Variants in ABHD11 observed in about 807,000 individuals in gnomAD.
ABHD11 encodes abhydrolase domain containing 11, also known as sn-1-specific diacylglycerol lipase ABHD11.
In ABHD11, 26 loss-of-function variants were observed where a neutral mutation model predicts 29.0. The ratio of observed to expected loss-of-function variants is 0.90; its 90% CI spans 0.66 to 1.24. The LOEUF is 1.24. Ranked by LOEUF, ABHD11 falls within the 50% of genes most tolerant of loss-of-function variation. The probability of loss-of-function intolerance (pLI) is 0.00; values close to 1 mark genes in which losing one functional copy is unlikely to be tolerated. For missense variants in ABHD11, 381 were observed against 422.4 expected, an observed-to-expected ratio of 0.90 and a Z score of 0.86; for synonymous variants, 169 against 166.4, an observed-to-expected ratio of 1.02 and a Z score of -0.12.
chr7:73,738,176 G>A (rs1800127617), intron 2 of ABHD11, 152 bp downstream of exon 2: 2 of 1,242,062 alleles, frequency 1.6e-6, no homozygotes, highest in African/African-American at 1.5e-5. Flanking sequence ...GGCAACGTGA[G>A]GGAATAAATG....
chr7:73,738,651 C>A lies in ABHD11; in HGVS notation c.120G>T (p.Glu40Asp). 1 of 1,593,718 alleles carries A rather than the reference C, an allele frequency of 6.3e-7. No individual in the cohort carries two copies. Among genetic ancestry groups the A allele is most frequent in the South Asian group, 1.1e-5 (1 of 88,626 alleles). Residue 40 changes from glutamate (E) to aspartate (D), a missense_variant, in exon 1 of 6, where the codon GAG becomes GAT. Coordinates refer to ENST00000222800, the MANE Select transcript of ABHD11 (RefSeq NM_148912.4). ...GCCCGGTGCCCTTGACTGACCTCGG[C>A]TCGGCGCCCCCTCGGCCGCCGCTGC... ...SSSSGGRGGA[E>D]PRPLPLSYRL...
intron 2 of ABHD11, 39 bp from the exon 3 acceptor site, chr7:73,737,774 C>T: frequency 1.3e-6 from 2 of 1,582,040 alleles, no homozygotes; most frequent in Non-Finnish European, 1.7e-6. Flanking sequence ...TTGATATCCC[C>T]ATTCTGGGGG....
intron 2 of ABHD11, 122 bp from the exon 3 acceptor site, chr7:73,737,857 A>T: frequency 7.1e-7 from 1 of 1,412,392 alleles, no homozygotes. Context: ...TGTGGAGGGG[A>T]AGGGCCCAGT....
At position 73,738,391 on chromosome 7, in the gene ABHD11, G is replaced by A. The variant is rs1288891584; in HGVS notation, c.198C>T (p.Leu66=). 4.3e-6 allele frequency: 7 copies of A among 1,613,128 alleles called. No individual in the cohort carries two copies. The highest frequency in any genetic ancestry group is 5.9e-6 in the Non-Finnish European group (7 of 1,179,690). The change falls in exon 2 of 6, where the codon CTC becomes CTT. Residue 66 remains leucine (L), a synonymous_variant. Transcript: ENST00000222800. Reference sequence around the variant, plus strand: ...AGTTGAAGTTAGTTTTGCTGCCGAAGAGCCCGTGCAAAAAGACGACGGCCG... The same window carrying A: ...AGTTGAAGTTAGTTTTGCTGCCGAAAAGCCCGTGCAAAAAGACGACGGCCG... ...ALPAVVFLHG[L]FGSKTNFNSI... is the part of the protein sequence containing the mutation.
At chr7:73,738,289 G>T (rs782603225) in intron 2 of ABHD11, 39 bp downstream of exon 2, 12 of 747,214 alleles carry the variant, frequency 1.6e-5, no homozygotes, top group Non-Finnish European at 2.3e-5. Context: ...GCCCACTCCC[G>T]CCCAGCCCCA....
chr7:73,738,375 T>C lies in ABHD11; in HGVS notation c.214A>G (p.Asn72Asp), dbSNP rs536463443. ...FLHGLFGSKT[N>D]FNSIAKILAQ... ...AAGATCTTGGCGATGGAGTTGAAGT[T>C]AGTTTTGCTGCCGAAGAGCCCGTGC... The change falls in exon 2 of 6, where the codon AAC (asparagine) becomes GAC (aspartate). Residue 72 changes from asparagine to aspartate, a missense_variant. Coordinates refer to ENST00000222800, the MANE Select transcript of ABHD11 (RefSeq NM_148912.4). 1.2e-4 allele frequency: 193 copies of C among 1,613,516 alleles called. No homozygotes were observed. The South Asian group carries it at 1.9e-3, about 16-fold the overall frequency.
In ABHD11 at chr7:73,736,704, G is replaced by A. The variant is rs1799915350; in HGVS notation, c.789-13C>T. On this transcript the variant is annotated splice_polypyrimidine_tract_variant and intron_variant, in intron 5 of 5. Coordinates refer to ENST00000222800, the MANE Select transcript of ABHD11 (RefSeq NM_148912.4). The stretch of plus-strand genomic sequence containing the variant: ...GTGGTGGCTGGGACTGTGCATCGCA[G>A]CGACGGCCATCAAAAACGGGTGAAA... The A allele has an allele frequency of 2.5e-6, 4 of 1,613,394 alleles. No individual in the cohort carries two copies. Among genetic ancestry groups the A allele is most frequent in the Non-Finnish European group, 3.4e-6 (4 of 1,179,972 alleles).
Position 73,737,030 on chromosome 7 carries a change from G to A in ABHD11, c.687C>T (p.Ala229=). The change falls in exon 5 of 6, where the codon GCC becomes GCT. Residue 229 remains alanine, a synonymous_variant. Transcript: ENST00000222800. The part of the protein sequence containing the change: ...GRFVWRVNLD[A]LTQHLDKILA... ...AGATCTTGTCTAGGTGCTGGGTCAG[G>A]GCATCCAAGTTCACCCTCCACACGA... 1 of 1,614,056 alleles carries A rather than the reference G, an allele frequency of 6.2e-7. No homozygotes were observed. The highest frequency in any genetic ancestry group is 2.2e-5 in the East Asian group (1 of 44,864).
Position 73,738,671 on chromosome 7 carries a change from CGCT to C in ABHD11, c.97_99del (p.Ser33del), listed in dbSNP as rs782298539. Reference sequence around the variant, plus strand: ...CTCGGCTCGGCGCCCCCTCGGCCGCCGCTGCTGCTGCTGGGTGCGACAGGCACC... The same window carrying C: ...CTCGGCTCGGCGCCCCCTCGGCCGCCGCTGCTGCTGGGTGCGACAGGCACC... On this transcript the variant is annotated inframe_deletion, in exon 1 of 6. Coordinates refer to ENST00000222800, the MANE Select transcript of ABHD11 (RefSeq NM_148912.4). 6.3e-7 allele frequency: 1 copy of C among 1,598,444 alleles called. No individual in the cohort carries two copies. The highest frequency in any genetic ancestry group is 1.7e-5 in the Admixed American group (1 of 57,838).
In ABHD11 at chr7:73,737,042, C is replaced by T. The variant is rs1799958253; in HGVS notation, c.675G>A (p.Val225=). ...GGTGCTGGGTCAGGGCATCCAAGTT[C>T]ACCCTCCACACGAAGCGCCCGTCTA... ...VEVDGRFVWR[V]NLDALTQHLD... The change falls in exon 5 of 6, where the codon GTG becomes GTA. Residue 225 remains valine (V), a synonymous_variant. Coordinates refer to ENST00000222800, the MANE Select transcript of ABHD11 (RefSeq NM_148912.4). 1.2e-6 allele frequency: 2 copies of T among 1,613,992 alleles called. No homozygotes were observed. The highest frequency in any genetic ancestry group is 3.3e-5 in the Admixed American group (2 of 60,000).
At chr7:73,736,749 A>G (rs903644274) in intron 5 of ABHD11, 58 bp from the exon 6 acceptor site, 1 of 1,610,286 alleles carries the variant, frequency 6.2e-7, no homozygotes, top group Non-Finnish European at 8.5e-7. Flanking sequence ...GGAGGAGTGA[A>G]AGAGACACGT....
chr7:73,738,187 G>T, intron 2 of ABHD11, 141 bp downstream of exon 2: 1 of 1,295,944 alleles, frequency 7.7e-7, no homozygotes, highest in Non-Finnish European at 1.1e-6. Context: ...GGAATAAATG[G>T]GGTTGCCGTT....
Position 73,738,334 on chromosome 7 carries a change from G to A in ABHD11, c.255C>T (p.Gly85=), listed in dbSNP as rs781982431. The change falls in exon 2 of 6, where the codon GGC becomes GGT. Residue 85 remains glycine, a synonymous_variant. Transcript: ENST00000222800. ...CGCCCACTCGAAAGCTCACCCTACG[G>A]CCTGTCTGCTGGGCCAAGATCTTGG... ...SIAKILAQQT[G]RRVLTVDARN... is the part of the protein sequence containing the mutation. 1 of 1,608,990 alleles carries A rather than the reference G, an allele frequency of 6.2e-7. No individual in the cohort carries two copies. The highest frequency in any genetic ancestry group is 8.5e-7 in the Non-Finnish European group (1 of 1,177,122).
intron 4 of ABHD11, 22 bp from the exon 5 acceptor site, chr7:73,737,132 G>A (rs782065664): frequency 1.2e-6 from 2 of 1,613,536 alleles, no homozygotes; most frequent in African/African-American, 1.3e-5. Context: ...CAGCAGTTGG[G>A]GGAGGTTCCT....
intron 2 of ABHD11, chr7:73,738,099 G>C (rs1800115915): frequency 3.6e-6 from 3 of 835,188 alleles, no homozygotes; most frequent in Non-Finnish European, 4.0e-6. Flanking sequence ...CCCCTTCATG[G>C]AAAGGGTGCA....
intron 2 of ABHD11, 124 bp downstream of exon 2, chr7:73,738,204 C>T: frequency 1.4e-6 from 2 of 1,402,574 alleles, no homozygotes; most frequent in South Asian, 1.3e-5. Flanking sequence ...CGTTCAGGGT[C>T]CATACTCAGA....
At position 73,738,660 on chromosome 7, in the gene ABHD11, C is replaced by G. The variant is rs782284790; in HGVS notation, c.111G>C (p.Gly37=). The change falls in exon 1 of 6, where the codon GGG becomes GGC. Residue 37 remains glycine (G), a synonymous_variant. Transcript: ENST00000222800. ...CCTTGACTGACCTCGGCTCGGCGCC[C>G]CCTCGGCCGCCGCTGCTGCTGCTGG... The part of the protein sequence containing the change: ...VAPSSSSGGR[G]GAEPRPLPLS... The G allele has an allele frequency of 6.3e-7, 1 of 1,594,282 alleles. No individual in the cohort carries two copies.
At chr7:73,737,528 G>T in intron 3 of ABHD11, 34 bp downstream of exon 3, 1 of 1,574,426 alleles carries the variant, frequency 6.4e-7, no homozygotes, top group African/African-American at 1.3e-5. Context: ...GGTATATACT[G>T]AATGGGAGGA....
chr7:73,738,282 C>CCA, intron 2 of ABHD11, 46 bp downstream of exon 2: 4 of 1,457,220 alleles, frequency 2.7e-6, no homozygotes, highest in Non-Finnish European at 3.8e-6. Context: ...AGGCCCCGCC[C>CCA]ACTCCCGCCC....
Sources: allele counts gnomAD v4.1 joint callset, GRCh38; gene constraint gnomAD v4.1.1; transcripts MANE v1.5; gene names NCBI Gene and HGNC (gene_info 2026-07-23, HGNC 2026-07-21).